Variants in NR1I2 observed in about 807,000 individuals in gnomAD.
NR1I2 encodes the protein orphan nuclear receptor PAR1.
NR1I2 carries 42 observed loss-of-function variants against 43.3 expected under a neutral mutation model. The ratio of observed to expected loss-of-function variants is 0.97; its 90% CI spans 0.76 to 1.26. The LOEUF (loss-of-function observed/expected upper bound fraction) is 1.26. Among genes scored for constraint, NR1I2 ranks in the 50% most tolerant of loss-of-function variants. NR1I2 has a pLI of 0.00. For synonymous variants in NR1I2, 229 were observed against 215.0 expected (o/e 1.06, Z -0.57); for missense variants, 559 against 566.7 (o/e 0.99, Z 0.14).
At chr3:119,804,468 A>G (rs2107965618) in intron 1 of NR1I2, among the ~76,000 whole-genome samples, 1 of 139,134 alleles carries the variant, frequency 7.2e-6, no homozygotes, top group Non-Finnish European at 1.5e-5. Flanking sequence ...TTTTGAGACG[A>G]AGTTTTGTTC....
chr3:119,804,442 A>AT (rs758279497), intron 1 of NR1I2, among the ~76,000 whole-genome samples: 2,820 of 118,536 alleles, frequency 0.024, 46 homozygotes, highest in Middle Eastern at 0.066. Context: ...CATAGTTGGT[A>AT]TTTTTTTTTT....
Position 119,818,436 on chromosome 3 carries a change from G to C in NR1I2, c.*1224G>C, listed in dbSNP as rs963486607. On this transcript the variant is annotated 3_prime_UTR_variant, in exon 9 of 9. Coordinates refer to ENST00000393716, the MANE Select transcript of NR1I2 (RefSeq NM_003889.4). ...CTAGTTTTGGGAAATGTAGCCCTGG[G>C]TTTAATGTCAAATCAAGGCAAAAGG... The C allele has an allele frequency of 3.0e-6, 3 of 985,116 alleles. No individual in the cohort carries two copies. The highest frequency in any genetic ancestry group is 1.2e-4 in the Admixed American group (2 of 16,256). The allele number at this position is 985,116 out of a possible 1,614,324, so 61.0% of individuals were successfully genotyped here.
chr3:119,807,382 T>C lies in NR1I2; in HGVS notation c.132T>C (p.Cys44=), dbSNP rs764251413. 1.2e-6 allele frequency: 2 copies of C among 1,614,226 alleles called. No individual in the cohort carries two copies. Among genetic ancestry groups the C allele is most frequent in the Admixed American group, 1.7e-5 (1 of 60,024 alleles). The stretch of plus-strand genomic sequence containing the variant: ...GAGGTCCCCAAATCTGCCGTGTATG[T>C]GGGGACAAGGCCACTGGCTATCACT... Residue 44 remains cysteine (C), a synonymous_variant, in exon 2 of 9, where the codon TGT becomes TGC. Transcript: ENST00000393716.
intron 1 of NR1I2, among the ~76,000 whole-genome samples, chr3:119,789,645 T>C (rs1439531470): frequency 6.6e-6 from 1 of 152,172 alleles, no homozygotes; most frequent in Non-Finnish European, 1.5e-5. Context: ...ACTATTGATG[T>C]TACTTTCCTT....
At chr3:119,799,530 A>G (rs748541657) in intron 1 of NR1I2, among the ~76,000 whole-genome samples, 3 of 152,224 alleles carry the variant, frequency 2.0e-5, no homozygotes, top group Admixed American at 6.5e-5. Flanking sequence ...TTCAATTTCA[A>G]TGAAGTTCAA....
chr3:119,808,311 C>T (rs980874191), intron 2 of NR1I2, among the ~76,000 whole-genome samples: 2 of 152,186 alleles, frequency 1.3e-5, no homozygotes, highest in African/African-American at 4.8e-5. Context: ...GTGCTGGGGC[C>T]CCAGGCAGGA....
intron 1 of NR1I2, among the ~76,000 whole-genome samples, chr3:119,795,333 T>G (rs2054982607): frequency 3.3e-5 from 5 of 152,128 alleles, no homozygotes; most frequent in Admixed American, 3.3e-4. Flanking sequence ...GAGAGGGACA[T>G]AAAAGGGCTC....
At chr3:119,797,783 T>G (rs983220833) in intron 1 of NR1I2, among the ~76,000 whole-genome samples, 1 of 152,246 alleles carries the variant, frequency 6.6e-6, no homozygotes, top group African/African-American at 2.4e-5. Flanking sequence ...TGGTATTACT[T>G]GTAATGCAAG....
Position 119,807,490 on chromosome 3 carries a change from C to A in NR1I2, c.197+43C>A, listed in dbSNP as rs1418074510. The A allele has an allele frequency of 6.4e-6, 10 of 1,558,436 alleles. No homozygotes were observed. The East Asian group carries it at 2.2e-4, about 35-fold the overall frequency. On this transcript the variant is annotated intron_variant, in intron 2 of 8. Coordinates refer to ENST00000393716, the MANE Select transcript of NR1I2 (RefSeq NM_003889.4). The stretch of plus-strand genomic sequence containing the variant: ...CCTTCACCCACGTGCCACCACTGAC[C>A]CACTGGGTAACGTCTCAGGGCCTCA...
At chr3:119,787,739 G>C (rs113641363) in intron 1 of NR1I2, among the ~76,000 whole-genome samples, 1 of 18,002 alleles carries the variant, frequency 5.6e-5, no homozygotes, top group Non-Finnish European at 3.3e-4. Flanking sequence ...ATAGTAGGAT[G>C]ATTATATATA....
At chr3:119,811,121 A>AT (rs778226022) in intron 3 of NR1I2, 4 of 173,214 alleles carry the variant, frequency 2.3e-5, no homozygotes, top group Non-Finnish European at 5.0e-5. Context: ...GCAAGGTCTC[A>AT]TTTAACAGCG....
chr3:119,809,574 G>A (rs1294574093), intron 2 of NR1I2, among the ~76,000 whole-genome samples: 11 of 144,564 alleles, frequency 7.6e-5, no homozygotes, highest in Non-Finnish European at 1.5e-4. Flanking sequence ...GGAAGGCGGG[G>A]GGGTGGGGCG....
chr3:119,811,605 C>A lies in NR1I2; in HGVS notation c.398C>A (p.Thr133Lys). ...ATCAAGCGGAAGAAAAGTGAACGGA[C>A]AGGGACTCAGCCACTGGGAGTGCAG... Residue 133 changes from threonine (T) to lysine (K), a missense_variant, in exon 4 of 9, where the codon ACA becomes AAA. Thr to Lys is a moderately conservative substitution (Grantham distance 78, BLOSUM62 -1). Transcript: ENST00000393716. The A allele has an allele frequency of 6.2e-7, 1 of 1,613,964 alleles. No individual in the cohort carries two copies. Among genetic ancestry groups the A allele is most frequent in the Non-Finnish European group, 8.5e-7 (1 of 1,179,948 alleles).
chr3:119,810,095 C>A lies in NR1I2; in HGVS notation c.232C>A (p.Pro78Thr). 6.2e-7 allele frequency: 1 copy of A among 1,613,856 alleles called. No homozygotes were observed. Among genetic ancestry groups the A allele is most frequent in the Admixed American group, 1.7e-5 (1 of 60,026 alleles). ...GAAACGCAACGCCCGGCTGAGGTGC[C>A]CCTTCCGGAAGGGCGCCTGCGAGAT... Residue 78 changes from proline (P) to threonine (T), a missense_variant, in exon 3 of 9, where the codon CCC (proline) becomes ACC (threonine). Pro to Thr is a conservative substitution (Grantham distance 38). Transcript: ENST00000393716.
intron 1 of NR1I2, among the ~76,000 whole-genome samples, chr3:119,795,730 A>G (rs1428449161): frequency 6.6e-6 from 1 of 152,098 alleles, no homozygotes; most frequent in African/African-American, 2.4e-5. Context: ...GTGTTTCTCA[A>G]ACTATATCCC....
At chr3:119,793,756 A>G (rs1359677440) in intron 1 of NR1I2, among the ~76,000 whole-genome samples, 2 of 152,206 alleles carry the variant, frequency 1.3e-5, no homozygotes, top group African/African-American at 4.8e-5. Context: ...ATATAAGGAA[A>G]CATATTCACA....
chr3:119,795,091 A>T (rs996709832), intron 1 of NR1I2, among the ~76,000 whole-genome samples: 1 of 152,120 alleles, frequency 6.6e-6, no homozygotes, highest in Non-Finnish European at 1.5e-5. Context: ...TCTTCCAAAC[A>T]CCACTAGCTG....
intron 2 of NR1I2, among the ~76,000 whole-genome samples, chr3:119,807,934 C>T (rs1477771008): frequency 6.6e-6 from 1 of 152,174 alleles, no homozygotes; most frequent in Non-Finnish European, 1.5e-5. Flanking sequence ...GCTCCCATCT[C>T]GGGAGCCACA....
chr3:119,804,845 C>T (rs1264185720), intron 1 of NR1I2, among the ~76,000 whole-genome samples: 1 of 152,066 alleles, frequency 6.6e-6, no homozygotes, highest in African/African-American at 2.4e-5. Context: ...TTTTTCCTTC[C>T]ATTTTTTCCT....
Sources: gnomAD v4.1 joint callset for allele counts (sites outside exome capture counted in the v4.1 genomes callset) on GRCh38, gnomAD v4.1.1 for gene constraint, MANE v1.5 for transcripts, NCBI Gene and HGNC (gene_info 2026-07-23, HGNC 2026-07-21) for gene names.